The following PTPRR variants were observed in gnomAD, a reference collection of about 807,000 sequenced individuals.
PTPRR encodes the protein receptor-type tyrosine-protein phosphatase R.
A neutral mutation model predicts 77.2 loss-of-function variants in PTPRR; 38 were observed. The observed-to-expected ratio is 0.49, with a 90% confidence interval of 0.38 to 0.65. The LOEUF (loss-of-function observed/expected upper bound fraction) is 0.65, where lower values mean the gene tolerates loss of function less well. Among genes scored for constraint, PTPRR ranks in the 30% least tolerant of loss-of-function variants. The probability of loss-of-function intolerance (pLI) is 0.00; values close to 1 mark genes in which losing one functional copy is unlikely to be tolerated. For synonymous variants in PTPRR, 299 were observed against 283.1 expected, an observed-to-expected ratio of 1.06 and a Z score of -0.57; for missense variants, 744 against 799.2, an observed-to-expected ratio of 0.93 and a Z score of 0.83.
intron 12 of PTPRR, among the ~76,000 whole-genome samples, 170 bp from the exon 13 acceptor site, chr12:70,656,987 TA>T (rs1380152672): frequency 6.9e-6 from 1 of 144,348 alleles, no homozygotes; most frequent in East Asian, 2.0e-4. Flanking sequence ...TTTTTACATT[TA>T]ATTATAAGTA....
At chr12:70,887,057 T>C (rs542631372) in intron 2 of PTPRR, among the ~76,000 whole-genome samples, 1 of 152,340 alleles carries the variant, frequency 6.6e-6, no homozygotes, top group Admixed American at 6.5e-5. Context: ...CCCTCCTTCT[T>C]TCAGTGATGG....
At chr12:70,901,257 C>T (rs1246270567) in intron 1 of PTPRR, among the ~76,000 whole-genome samples, 1 of 151,506 alleles carries the variant, frequency 6.6e-6, no homozygotes, top group Non-Finnish European at 1.5e-5. Flanking sequence ...TTCTGGGTGT[C>T]TATCTCCCCT....
intron 13 of PTPRR, among the ~76,000 whole-genome samples, chr12:70,652,189 C>T (rs749217567): frequency 1.8e-4 from 28 of 152,146 alleles, no homozygotes; most frequent in Non-Finnish European, 1.5e-5. Context: ...CCAGTTTTCC[C>T]TTTACTGCCA....
At chr12:70,754,706 T>A in intron 4 of PTPRR, 1 of 1,592,788 alleles carries the variant, frequency 6.3e-7, no homozygotes, top group Non-Finnish European at 8.5e-7. Flanking sequence ...CTGTACTACC[T>A]CTTTACTTTT....
chr12:70,837,807 G>A (rs1342728356), intron 2 of PTPRR, among the ~76,000 whole-genome samples: 14 of 151,970 alleles, frequency 9.2e-5, no homozygotes, highest in Admixed American at 9.2e-4. Flanking sequence ...TGAGGTTGAA[G>A]ATTGGGGCTG....
At chr12:70,793,088 A>G (rs1606457) in intron 2 of PTPRR, among the ~76,000 whole-genome samples, 142,977 of 152,274 alleles carry the variant, frequency 0.94, 67,351 homozygotes, top group Non-Finnish European at 0.98. Flanking sequence ...AGCCTGCAGT[A>G]CAGATCATCA....
chr12:70,801,699 G>A (rs368024115), intron 2 of PTPRR, among the ~76,000 whole-genome samples: 3 of 151,968 alleles, frequency 2.0e-5, no homozygotes, highest in Non-Finnish European at 4.4e-5. Context: ...CAGACCTTGG[G>A]ACTTCTCAAC....
At chr12:70,656,847 G>T (rs746445732) in intron 12 of PTPRR, 30 bp from the exon 13 acceptor site, 20 of 1,438,814 alleles carry the variant, frequency 1.4e-5, no homozygotes, top group Non-Finnish European at 1.9e-5. Context: ...AATTTAAAAA[G>T]TGGGGGAAAA....
intron 3 of PTPRR, among the ~76,000 whole-genome samples, chr12:70,762,900 T>C (rs1263373379): frequency 6.6e-6 from 1 of 152,134 alleles, no homozygotes; most frequent in Non-Finnish European, 1.5e-5. Context: ...CTACTAACAT[T>C]CTCTGAGGAT....
intron 2 of PTPRR, among the ~76,000 whole-genome samples, chr12:70,770,221 C>A (rs989327434): frequency 3.5e-4 from 52 of 149,858 alleles, no homozygotes; most frequent in African/African-American, 5.4e-4. Flanking sequence ...AGTGAACAGG[C>A]AACCTACAAA....
chr12:70,656,737 G>A lies in PTPRR; in HGVS notation c.1847C>T (p.Ala616Val). ...ACGAAGCTGGCAGACAATGCTTAGTGCATCCACAACTCCTTCTTCTTTCAG... is the reference window on the plus strand; with the variant it reads ...ACGAAGCTGGCAGACAATGCTTAGTACATCCACAACTCCTTCTTCTTTCAG... ...QQLKEEGVVD[A>V]LSIVCQLRMD... The change falls in exon 13 of 14, where the codon GCA becomes GTA. Residue 616 changes from alanine (A) to valine (V), a missense_variant. Transcript: ENST00000283228. 1.2e-6 allele frequency: 2 copies of A among 1,613,824 alleles called. No homozygotes were observed. Among genetic ancestry groups the A allele is most frequent in the Non-Finnish European group, 1.7e-6 (2 of 1,179,856 alleles).
At chr12:70,661,686 G>A (rs1357378994) in intron 11 of PTPRR, among the ~76,000 whole-genome samples, 5 of 152,148 alleles carry the variant, frequency 3.3e-5, no homozygotes, top group African/African-American at 9.7e-5. Flanking sequence ...CATGAACCTC[G>A]CACTCCAGAA....
At chr12:70,695,852 A>G (rs537391200) in intron 8 of PTPRR, among the ~76,000 whole-genome samples, 29 of 152,312 alleles carry the variant, frequency 1.9e-4, no homozygotes, top group African/African-American at 6.3e-4. Flanking sequence ...CCTTAGGTAA[A>G]TAAATTTAAC....
chr12:70,879,641 C>T (rs1002893720), intron 2 of PTPRR, among the ~76,000 whole-genome samples: 2 of 152,160 alleles, frequency 1.3e-5, no homozygotes, highest in African/African-American at 4.8e-5. Flanking sequence ...GTAATTCTAT[C>T]TTAAGAAATA....
intron 2 of PTPRR, among the ~76,000 whole-genome samples, chr12:70,793,489 T>C (rs750922524): frequency 6.6e-6 from 1 of 152,202 alleles, no homozygotes; most frequent in African/African-American, 2.4e-5. Flanking sequence ...GTGAAAGTCA[T>C]GGCAACAGTC....
intron 10 of PTPRR, among the ~76,000 whole-genome samples, chr12:70,666,477 T>C (rs1407296422): frequency 6.6e-6 from 1 of 152,212 alleles, no homozygotes; most frequent in Non-Finnish European, 1.5e-5. Flanking sequence ...TGAAGTCCAG[T>C]AATTTAATTA....
intron 2 of PTPRR, among the ~76,000 whole-genome samples, chr12:70,831,073 T>C (rs2137050236): frequency 6.6e-6 from 1 of 152,340 alleles, no homozygotes; most frequent in East Asian, 1.9e-4. Flanking sequence ...ATTCCCATTT[T>C]ACAGATGAGG....
chr12:70,733,441 AAAAAG>A (rs1215669709), intron 6 of PTPRR, among the ~76,000 whole-genome samples: 159 of 94,120 alleles, frequency 1.7e-3, no homozygotes, highest in African/African-American at 6.1e-3. Flanking sequence ...AAAAAAAAAA[AAAAAG>A]AAAGAAAAAA....
chr12:70,790,990 C>T (rs1891412947), intron 2 of PTPRR, among the ~76,000 whole-genome samples: 1 of 152,202 alleles, frequency 6.6e-6, no homozygotes, highest in Non-Finnish European at 1.5e-5. Flanking sequence ...ACCACCTCCA[C>T]ATCTATCATG....
Sources: allele counts gnomAD v4.1 joint callset (sites outside exome capture counted in the v4.1 genomes callset), GRCh38; gene constraint gnomAD v4.1.1; transcripts MANE v1.5; gene names NCBI Gene and HGNC (gene_info 2026-07-23, HGNC 2026-07-21).